The following CASS4 variants were observed in gnomAD, a reference collection of about 807,000 sequenced individuals.
CASS4 encodes the protein Cas scaffold protein family member 4.
CASS4 carries 22 observed loss-of-function variants against 54.2 expected under a neutral mutation model. That is an observed-to-expected ratio of 0.41 (90% confidence interval 0.29 to 0.58). CASS4 has a LOEUF of 0.58. Among genes scored for constraint, CASS4 ranks in the 20% least tolerant of loss-of-function variants. CASS4 has a pLI of 0.36. For missense variants in CASS4, 854 were observed against 986.7 expected, an observed-to-expected ratio of 0.87 and a Z score of 1.80; for synonymous variants, 409 against 391.5, an observed-to-expected ratio of 1.04 and a Z score of -0.53.
Position 56,440,431 on chromosome 20 carries a change from T to G in CASS4, c.459+2845T>G, listed in dbSNP as rs1395806206. 3.9e-5 allele frequency among the ~76,000 whole-genome samples: 6 copies of G among 152,204 alleles called. No homozygotes were observed. In the East Asian group the frequency reaches 1.2e-3, roughly 29 times the overall value. On this transcript the variant is annotated intron_variant, in intron 2 of 5. Coordinates refer to ENST00000679887, the MANE Select transcript of CASS4 (RefSeq NM_020356.4). ...CCCTGAAAGGAAAACAGATGCGCTG[T>G]CCTCTGTTGGTTGACCAGAGGACCC... is the stretch of plus-strand genomic sequence containing the variant.
intron 1 of CASS4, among the ~76,000 whole-genome samples, chr20:56,415,594 G>A (rs192606149): frequency 7.7e-4 from 118 of 152,292 alleles, no homozygotes; most frequent in African/African-American, 2.7e-3. Context: ...TGCCTACATT[G>A]TTGCTCAATT....
rs6099153 is a variant in CASS4 at position 56,459,886 on chromosome 20, G to A, written c.*1139G>A. 60,789 of 151,900 alleles carry A rather than the reference G, an allele frequency of 0.4. 13,199 individuals carry two copies. The highest frequency in any genetic ancestry group is 0.93 in the East Asian group (4,838 of 5,176). 9.4% of individuals were successfully genotyped at this position (151,900 alleles called of 1,614,324 possible). A position where few individuals can be genotyped will look rare whatever the true frequency, so the allele number is the denominator to read the frequency against. Reference sequence around the variant, plus strand: ...GAGGGCTTGCCCTCTTGGAACTTATGATCTAGTAGGGGAGTCAGGCAGTAA... The same window carrying A: ...GAGGGCTTGCCCTCTTGGAACTTATAATCTAGTAGGGGAGTCAGGCAGTAA... On this transcript the variant is annotated 3_prime_UTR_variant, in exon 6 of 6. Coordinates refer to ENST00000679887, the MANE Select transcript of CASS4 (RefSeq NM_020356.4).
In CASS4 at chr20:56,458,492, C is replaced by G. The variant is rs760714763; in HGVS notation, c.2106C>G (p.Ile702Met). ...GSLSSSQPAE[I>M]ITQSKLVIMV... ...TCAGCAGCAGCCAGCCCGCGGAGAT[C>G]ATCACTCAGAGCAAGCTGGTCATCA... The change falls in exon 6 of 6, where the codon ATC becomes ATG. Residue 702 changes from isoleucine (I) to methionine (M), a missense_variant. By Grantham distance (10) the Ile-to-Met change is conservative. Coordinates refer to ENST00000679887, the MANE Select transcript of CASS4 (RefSeq NM_020356.4). 1 of 1,614,170 alleles carries G rather than the reference C, an allele frequency of 6.2e-7. No individual in the cohort carries two copies.
chr20:56,436,360 G>GTGTGTATA (rs560837211), intron 1 of CASS4, among the ~76,000 whole-genome samples: 3 of 137,860 alleles, frequency 2.2e-5, no homozygotes, highest in Non-Finnish European at 3.0e-5. Context: ...GTGTGTGTGT[G>GTGTGTATA]TATATATATA....
Position 56,460,283 on chromosome 20 carries a change from G to A in CASS4, c.*1536G>A, listed in dbSNP as rs1199031687. 6.6e-6 allele frequency: 1 copy of A among 151,942 alleles called. No homozygotes were observed. Among genetic ancestry groups the A allele is most frequent in the African/African-American group, 2.4e-5 (1 of 41,234 alleles). 9.4% of individuals were successfully genotyped at this position (151,942 alleles called of 1,614,324 possible). A position where few individuals can be genotyped will look rare whatever the true frequency, so the allele number is the denominator to read the frequency against. On this transcript the variant is annotated 3_prime_UTR_variant, in exon 6 of 6. Transcript: ENST00000679887. ...AATCTGTTACAATTTATATTGGTTG[G>A]TGCAAAAGTAATTGCGGTTTTTGCC...
chr20:56,449,925 T>A (rs938019794), intron 3 of CASS4, among the ~76,000 whole-genome samples: 2 of 152,076 alleles, frequency 1.3e-5, no homozygotes, highest in Non-Finnish European at 2.9e-5. Context: ...GTCTCATTTA[T>A]CCTCTGGCTT....
At chr20:56,417,063 G>C (rs1420223594) in intron 1 of CASS4, among the ~76,000 whole-genome samples, 1 of 152,190 alleles carries the variant, frequency 6.6e-6, no homozygotes, top group African/African-American at 2.4e-5. Flanking sequence ...ACATCTCAAG[G>C]TTGGTTTAAA....
At chr20:56,422,664 G>A (rs1228309777) in intron 1 of CASS4, among the ~76,000 whole-genome samples, 3 of 152,130 alleles carry the variant, frequency 2.0e-5, no homozygotes, top group Non-Finnish European at 2.9e-5. Flanking sequence ...CTACAGCTGC[G>A]GAAGTTCCTT....
In CASS4 at chr20:56,412,530, G is replaced by T; in HGVS notation, c.36+36G>T. ...TGGGGCTGTTTGAATGGGCTCTGGC[G>T]GGGAGCAAGCTGTGATGATTAAGGG... On this transcript the variant is annotated intron_variant, in intron 1 of 5. Coordinates refer to ENST00000679887, the MANE Select transcript of CASS4 (RefSeq NM_020356.4). This position sits in a 1 kb window ranked among gnomAD's most constrained non-coding sequence, Gnocchi z 4.2. 1 of 1,604,104 alleles carries T rather than the reference G, an allele frequency of 6.2e-7. No individual in the cohort carries two copies. Among genetic ancestry groups the T allele is most frequent in the East Asian group, 2.2e-5 (1 of 44,458 alleles).
Position 56,460,354 on chromosome 20 carries a change from A to C in CASS4, c.*1607A>C, listed in dbSNP as rs1673275848. On this transcript the variant is annotated 3_prime_UTR_variant, in exon 6 of 6. Transcript: ENST00000679887. ...CCACAATTGCTTTTGCACCACCCTAATAATATTAAATATAATCATGACTTT... is the reference window on the plus strand; with the variant it reads ...CCACAATTGCTTTTGCACCACCCTACTAATATTAAATATAATCATGACTTT... 6.6e-6 allele frequency: 1 copy of C among 152,558 alleles called. No homozygotes were observed. The highest frequency in any genetic ancestry group is 2.4e-5 in the African/African-American group (1 of 41,438). The allele number at this position is 152,558 out of a possible 1,614,324, so 9.5% of individuals were successfully genotyped here.
At chr20:56,415,016 G>A (rs553517216) in intron 1 of CASS4, among the ~76,000 whole-genome samples, 5 of 152,234 alleles carry the variant, frequency 3.3e-5, no homozygotes, top group African/African-American at 7.2e-5. Context: ...ACGAGGAAAC[G>A]AGGCCTCGCT....
chr20:56,436,336 A>ATATG (rs1248627482), intron 1 of CASS4, among the ~76,000 whole-genome samples: 11 of 142,456 alleles, frequency 7.7e-5, no homozygotes, highest in African/African-American at 2.7e-4. Context: ...TGCTATATAT[A>ATATG]TGTGTGTGTG....
chr20:56,453,206 C>T, intron 5 of CASS4, 77 bp downstream of exon 5: 1 of 1,055,094 alleles, frequency 9.5e-7, no homozygotes, highest in Non-Finnish European at 1.4e-6. Context: ...GATGCTGAGA[C>T]TCTTTCCATA....
Position 56,452,729 on chromosome 20 carries a change from A to G in CASS4, c.1553A>G (p.Asp518Gly), listed in dbSNP as rs762367653. ...TDSNLQNRIRDQMQTISNSYR... is the reference protein window; with the variant it reads ...TDSNLQNRIRGQMQTISNSYR... Reference sequence around the variant, plus strand: ...AGTAACCTTCAGAACAGAATTCGGGACCAGATGCAGACCATCTCCAACTCC... The same window carrying G: ...AGTAACCTTCAGAACAGAATTCGGGGCCAGATGCAGACCATCTCCAACTCC... Residue 518 changes from aspartate (D) to glycine (G), a missense_variant, in exon 5 of 6, where the codon GAC becomes GGC. Coordinates refer to ENST00000679887, the MANE Select transcript of CASS4 (RefSeq NM_020356.4). 1.2e-6 allele frequency: 2 copies of G among 1,614,134 alleles called. No homozygotes were observed. Among genetic ancestry groups the G allele is most frequent in the Middle Eastern group, 3.3e-4 (2 of 6,062 alleles).
At position 56,445,902 on chromosome 20, in the gene CASS4, C is replaced by A; in HGVS notation, c.462C>A (p.Ala154=). 1.9e-6 allele frequency: 3 copies of A among 1,611,928 alleles called. No individual in the cohort carries two copies. Among genetic ancestry groups the A allele is most frequent in the South Asian group, 2.2e-5 (2 of 91,034 alleles). The part of the protein sequence containing the change: ...CEKTLSFPKQ[A]ILTLPRPVRA... The stretch of plus-strand genomic sequence containing the variant: ...TTTTCTCCTCCTTTCTCTCCAAGGC[C>A]ATCCTCACGCTTCCCAGACCTGTCC... Residue 154 remains alanine, a splice_region_variant and synonymous_variant, in exon 3 of 6, where the codon GCC becomes GCA. Transcript: ENST00000679887.
intron 3 of CASS4, among the ~76,000 whole-genome samples, chr20:56,446,439 C>G (rs1273104282): frequency 6.6e-6 from 1 of 152,012 alleles, no homozygotes; most frequent in Non-Finnish European, 1.5e-5. Flanking sequence ...CATACACACA[C>G]ATTTTTTTAA....
At chr20:56,451,002 C>G (rs1322432528) in intron 4 of CASS4, among the ~76,000 whole-genome samples, 1 of 145,060 alleles carries the variant, frequency 6.9e-6, no homozygotes, top group Non-Finnish European at 1.5e-5. Flanking sequence ...AACCCTGTCT[C>G]TAATAAAATA....
chr20:56,448,078 C>G (rs575473706), intron 3 of CASS4, among the ~76,000 whole-genome samples: 2 of 150,772 alleles, frequency 1.3e-5, no homozygotes, highest in East Asian at 3.9e-4. Context: ...GGAGGCGGAG[C>G]TTGCAGTGAG....
chr20:56,452,565 C>A lies in CASS4; in HGVS notation c.1389C>A (p.Ser463Arg), dbSNP rs919291093. ...SSVAGLMLFVSRKWRFRDYLE... is the reference protein window; with the variant it reads ...SSVAGLMLFVRRKWRFRDYLE... ...TCGCTGGCCTGATGCTCTTTGTCAG[C>A]AGGAAGTGGAGATTCCGAGACTATC... is the stretch of plus-strand genomic sequence containing the variant. The change falls in exon 5 of 6, where the codon AGC becomes AGA. Residue 463 changes from serine (S) to arginine (R), a missense_variant. Coordinates refer to ENST00000679887, the MANE Select transcript of CASS4 (RefSeq NM_020356.4). 3.7e-6 allele frequency: 6 copies of A among 1,614,164 alleles called. No individual in the cohort carries two copies. Among genetic ancestry groups the A allele is most frequent in the Non-Finnish European group, 5.1e-6 (6 of 1,180,020 alleles).
Sources: gnomAD v4.1 joint callset for allele counts (sites outside exome capture counted in the v4.1 genomes callset) on GRCh38, gnomAD v4.1.1 for gene constraint, Gnocchi (gnomAD v3.1) non-coding constraint, MANE v1.5 for transcripts, NCBI Gene and HGNC (gene_info 2026-07-23, HGNC 2026-07-21) for gene names.